Variants in CYP2D6 observed in about 807,000 individuals in gnomAD.
CYP2D6 encodes cytochrome P450 family 2 subfamily D member 6 (gene/pseudogene), also known as cytochrome P450 2D6.
Under a neutral mutation model 43.5 loss-of-function variants are expected in CYP2D6, and 51 were observed. That is an observed-to-expected ratio of 1.17 (90% CI 0.94 to 1.48). The LOEUF (loss-of-function observed/expected upper bound fraction) is 1.48. Ranked by LOEUF, CYP2D6 falls within the 40% of genes most tolerant of loss-of-function variation. The pLI is 0.00. For missense variants in CYP2D6, 698 were observed against 688.0 expected (o/e 1.01, Z -0.16); for synonymous variants, 346 against 297.1 (o/e 1.16, Z -1.69).
rs1050232038 is a variant in CYP2D6, at chr22:42,127,257, C to T, written c.1173+190G>A. Among the ~76,000 whole-genome samples the T allele has an allele frequency of 9.9e-5, 15 of 151,602 alleles. 1 individual carries two copies. The highest frequency in any genetic ancestry group is 1.6e-4 in the Non-Finnish European group (11 of 67,904). On this transcript the variant is annotated intron_variant, in intron 7 of 8. Coordinates refer to ENST00000645361, the MANE Select transcript of CYP2D6 (RefSeq NM_000106.6). ...GGTCCTGGTTTGTCTCCCCACTAGA[C>T]GGGGGCTCTGGATGGACAGGCCAGC...
chr22:42,130,782 C>CT lies in CYP2D6; in HGVS notation c.9dup (p.Glu4ArgfsTer250), dbSNP rs1240247139. On this transcript the variant is annotated frameshift_variant, in exon 1 of 9. Coordinates refer to ENST00000645361, the MANE Select transcript of CYP2D6 (RefSeq NM_000106.6). LOFTEE classifies it high-confidence loss of function. Reference sequence around the variant, plus strand: ...ATCACGGCCAGGGGCACCAGTGCTTCTAGCCCCATACCTGCCTCACTACCA... The same window carrying CT: ...ATCACGGCCAGGGGCACCAGTGCTTCTTAGCCCCATACCTGCCTCACTACCA... 5 of 1,572,410 alleles carry CT rather than the reference C, an allele frequency of 3.2e-6. No homozygotes were observed. The highest frequency in any genetic ancestry group is 2.6e-6 in the Non-Finnish European group (3 of 1,157,804).
chr22:42,129,143 C>T lies in CYP2D6; in HGVS notation c.395G>A (p.Arg132Lys), dbSNP rs752758046. ...GCGCAAGGTGGACACGGAGAAGCGC[C>T]TCTGCTCGCGCCACGCGGGCCCATA... ...ARYGPAWREQ[R>K]RFSVSTLRNL... The change falls in exon 3 of 9, where the codon AGG (arginine) becomes AAG (lysine). Residue 132 changes from arginine (R) to lysine (K), a missense_variant. Transcript: ENST00000645361. The T allele has an allele frequency of 2.5e-6, 4 of 1,609,392 alleles. 1 individual carries two copies. Among genetic ancestry groups the T allele is most frequent in the Non-Finnish European group, 3.4e-6 (4 of 1,178,074 alleles).
intron 1 of CYP2D6, 54 bp downstream of exon 1, chr22:42,130,558 T>C: frequency 7.9e-7 from 1 of 1,259,258 alleles, no homozygotes; most frequent in African/African-American, 1.7e-5. Context: ...CCATGTTTGC[T>C]TCTGGTAGGG....
Position 42,128,889 on chromosome 22 carries a change from G to A in CYP2D6, c.561C>T (p.Ala187=), listed in dbSNP as rs1365493779. 2 of 1,597,326 alleles carry A rather than the reference G, an allele frequency of 1.3e-6. No homozygotes were observed. Among genetic ancestry groups the A allele is most frequent in the Admixed American group, 1.7e-5 (1 of 57,440 alleles). ...LLDKAVSNVI[A]SLTCGRRFEY... ...CGAAGCGGCGCCCGCAGGTGAGGGA[G>A]GCGATCACGTTGCTCACGGCTTTGT... The change falls in exon 4 of 9, where the codon GCC becomes GCT. Residue 187 remains alanine, a synonymous_variant. Coordinates refer to ENST00000645361, the MANE Select transcript of CYP2D6 (RefSeq NM_000106.6).
chr22:42,129,186 C>T lies in CYP2D6; in HGVS notation c.353-1G>A, dbSNP rs2146938894. On this transcript the variant is annotated splice_acceptor_variant, in intron 2 of 8. Transcript: ENST00000645361. LOFTEE classifies it high-confidence loss of function. ...GGCCCATAGCGCGCCAGGAACACCC[C>T]TGGGGGTGGGACGGGCACGTGCGCG... The T allele has an allele frequency of 1.9e-6, 3 of 1,603,740 alleles. No individual in the cohort carries two copies. Among genetic ancestry groups the T allele is most frequent in the South Asian group, 1.1e-5 (1 of 90,860 alleles).
rs1931767615 is a variant in CYP2D6 at position 42,129,840 on chromosome 22, G to A, written c.250C>T (p.Leu84=). 3 of 1,598,524 alleles carry A rather than the reference G, an allele frequency of 1.9e-6. No individual in the cohort carries two copies. Among genetic ancestry groups the A allele is most frequent in the Middle Eastern group, 1.7e-4 (1 of 5,990 alleles). ...ACCAGCGCCTCGCGCACGGCCGCCA[G>A]CCCATTGAGCACGACCACCGGCGTC... ...AWTPVVVLNG[L]AAVREALVTH... Residue 84 remains leucine, a synonymous_variant, in exon 2 of 9, where the codon CTG becomes TTG. Transcript: ENST00000645361.
In CYP2D6 at chr22:42,129,825, C is replaced by T. The variant is rs377488485; in HGVS notation, c.265G>A (p.Glu89Lys). The change falls in exon 2 of 9, where the codon GAG becomes AAG. Residue 89 changes from glutamate to lysine, a missense_variant. Transcript: ENST00000645361. Reference protein sequence around the residue: ...VVLNGLAAVREALVTHGEDTA... With the variant: ...VVLNGLAAVRKALVTHGEDTA... ...TCCTCGCCGTGGGTCACCAGCGCCT[C>T]GCGCACGGCCGCCAGCCCATTGAGC... 2.5e-5 allele frequency: 40 copies of T among 1,599,072 alleles called. No homozygotes were observed. The highest frequency in any genetic ancestry group is 4.5e-5 in the East Asian group (2 of 44,682).
chr22:42,127,702 C>T lies in CYP2D6; in HGVS notation c.986-68G>A, dbSNP rs1931164496. On this transcript the variant is annotated intron_variant, in intron 6 of 8. Coordinates refer to ENST00000645361, the MANE Select transcript of CYP2D6 (RefSeq NM_000106.6). ...GTCCGGCCCTGACACTCCTTCTTGC[C>T]TCCTATGTTGGAGGAGGTCAGGCTT... 1.2e-5 allele frequency: 19 copies of T among 1,581,346 alleles called. No homozygotes were observed. The South Asian group carries it at 1.2e-4, about 10-fold the overall frequency.
At position 42,127,591 on chromosome 22, in the gene CYP2D6, C is replaced by A. The variant is rs1228343423; in HGVS notation, c.1029G>T (p.Arg343=). 3 of 1,612,084 alleles carry A rather than the reference C, an allele frequency of 1.9e-6. No individual in the cohort carries two copies. Among genetic ancestry groups the A allele is most frequent in the Non-Finnish European group, 2.5e-6 (3 of 1,178,690 alleles). ...GAGCCTGGTCACCCATCTCTGGTCG[C>A]CGCACCTGCCCTATCACGTCGTCGA... is the stretch of plus-strand genomic sequence containing the variant. The part of the protein sequence containing the change: ...QEIDDVIGQV[R]RPEMGDQAHM... Residue 343 remains arginine (R), a synonymous_variant, in exon 7 of 9, where the codon CGG becomes CGT. Transcript: ENST00000645361.
intron 2 of CYP2D6, chr22:42,129,528 G>C (rs1022514878): frequency 6.6e-6 from 5 of 762,828 alleles, no homozygotes; most frequent in South Asian, 4.9e-5. Context: ...CTCCTGCCAG[G>C]TCTCGGCAGT....
At chr22:42,129,425 C>A (rs1030875727) in intron 2 of CYP2D6, 1 of 767,242 alleles carries the variant, frequency 1.3e-6, no homozygotes, top group East Asian at 2.6e-5. Context: ...GGCCCCGCGC[C>A]ACCCACACTG....
At chr22:42,127,191 C>T (rs375555616) in intron 7 of CYP2D6, among the ~76,000 whole-genome samples, 199 bp from the exon 8 acceptor site, 2 of 151,214 alleles carry the variant, frequency 1.3e-5, no homozygotes, top group Admixed American at 6.6e-5. Context: ...CCCACACTGC[C>T]CCCTCTCCCT....
At chr22:42,127,298 G>C (rs1423389674) in intron 7 of CYP2D6, 149 bp downstream of exon 7, 16 of 1,161,044 alleles carry the variant, frequency 1.4e-5, no homozygotes, top group African/African-American at 6.1e-5. Context: ...CTATACTCTG[G>C]ACCCCCCACC....
At chr22:42,128,576 T>C (rs80262685) in intron 4 of CYP2D6, among the ~76,000 whole-genome samples, 4,063 of 150,876 alleles carry the variant, frequency 0.027, 342 homozygotes, top group African/African-American at 0.094. Context: ...CCTTGGCCTC[T>C]CCTGGTGCCC....
chr22:42,127,741 C>G (rs1931169032), intron 6 of CYP2D6, 101 bp downstream of exon 6: 5 of 1,572,546 alleles, frequency 3.2e-6, no homozygotes, highest in Non-Finnish European at 4.4e-6. Flanking sequence ...GGATCCTGGT[C>G]AAGCCTGTGC....
In CYP2D6 at chr22:42,127,940, C is replaced by G; in HGVS notation, c.887G>C (p.Arg296Pro). ...AGAGAACAGGTCAGCCACCACTATG[C>G]GCAGGTTCTCATCATTGAAGCTGCT... is the stretch of plus-strand genomic sequence containing the variant. ...PESSFNDENLRIVVADLFSAG... is the reference protein window; with the variant it reads ...PESSFNDENLPIVVADLFSAG... Residue 296 changes from arginine (R) to proline (P), a missense_variant, in exon 6 of 9, where the codon CGC (arginine) becomes CCC (proline). Physicochemically the swap from Arg to Pro is moderately radical, Grantham distance 103. Around this residue, in one of 5 missense-constraint regions of CYP2D6, gnomAD observed 588 missense variants for 521.1 expected, o/e 1.13. Transcript: ENST00000645361. The G allele has an allele frequency of 6.2e-7, 1 of 1,611,310 alleles. No individual in the cohort carries two copies. Among genetic ancestry groups the G allele is most frequent in the Non-Finnish European group, 8.5e-7 (1 of 1,178,252 alleles).
Position 42,128,209 on chromosome 22 carries a change from C to T in CYP2D6, c.808G>A (p.Asp270Asn). 6.2e-7 allele frequency: 1 copy of T among 1,609,502 alleles called. No individual in the cohort carries two copies. The highest frequency in any genetic ancestry group is 8.5e-7 in the Non-Finnish European group (1 of 1,177,590). The change falls in exon 5 of 9, where the codon GAC becomes AAC. Residue 270 changes from aspartate to asparagine, a missense_variant. Asp to Asn is a conservative substitution (Grantham distance 23). This residue lies in a region of CYP2D6 where 588 missense variants were observed against 521.1 expected (regional missense o/e 1.13). Transcript: ENST00000645361. ...TCTGCCAGGAAGGCCTCAGTCAGGT[C>T]TCGGGGGGGCTGGGCTGGGTCCCAG... is the stretch of plus-strand genomic sequence containing the variant. ...MTWDPAQPPR[D>N]LTEAFLAEME...
rs563185985 is a variant in CYP2D6 at position 42,129,753 on chromosome 22, C to G, written c.337G>C (p.Gly113Arg). The G allele has an allele frequency of 3.1e-6, 5 of 1,609,742 alleles. No individual in the cohort carries two copies. The highest frequency in any genetic ancestry group is 4.2e-6 in the Non-Finnish European group (5 of 1,178,144). Residue 113 changes from glycine to arginine, a missense_variant, in exon 2 of 9, where the codon GGG becomes CGG. Transcript: ENST00000645361. ...PVPITQILGF[G>R]PRSQGVFLAR... is the part of the protein sequence containing the mutation. ...CGCTGCTTGCCTTGGGAACGCGGCCCGAAACCCAGGATCTGGGTGATGGGC... is the reference window on the plus strand; with the variant it reads ...CGCTGCTTGCCTTGGGAACGCGGCCGGAAACCCAGGATCTGGGTGATGGGC...
rs1212008703 is a variant in CYP2D6, at chr22:42,128,712, G to A, written c.666+72C>T. 6.4e-5 allele frequency: 98 copies of A among 1,529,320 alleles called. 2 individuals carry two copies. The highest frequency in any genetic ancestry group is 3.1e-4 in the South Asian group (26 of 84,572). The allele number at this position is 1,529,320 out of a possible 1,614,324, so 94.7% of individuals were successfully genotyped here. A position where few individuals can be genotyped will look rare whatever the true frequency, so the allele number is the denominator to read the frequency against. On this transcript the variant is annotated intron_variant, in intron 4 of 8. Coordinates refer to ENST00000645361, the MANE Select transcript of CYP2D6 (RefSeq NM_000106.6). The stretch of plus-strand genomic sequence containing the variant: ...CCATCTATGCAAATCCTGCTCTTCC[G>A]AGGCCCCAGTCCAGCCCCGGCACCT...
Sources: gnomAD v4.1 joint callset for allele counts (sites outside exome capture counted in the v4.1 genomes callset) on GRCh38, gnomAD v4.1.1 for gene constraint, gnomAD v4.1.1 regional missense constraint, MANE v1.5 for transcripts, NCBI Gene and HGNC (gene_info 2026-07-23, HGNC 2026-07-21) for gene names.